The following ZNF746 variants were observed in gnomAD, a reference collection of about 807,000 sequenced individuals.
ZNF746 encodes the protein zinc finger protein 746, also known as parkin-interacting substrate.
Under a neutral mutation model 41.0 loss-of-function variants are expected in ZNF746, and 13 were observed. The ratio of observed to expected loss-of-function variants is 0.32; its 90% CI spans 0.21 to 0.50. The LOEUF (loss-of-function observed/expected upper bound fraction) is 0.50. Among genes scored for constraint, ZNF746 ranks in the 20% least tolerant of loss-of-function variants. The probability of loss-of-function intolerance (pLI) is 0.98; values close to 1 mark genes in which losing one functional copy is unlikely to be tolerated. For synonymous variants in ZNF746, 424 were observed against 396.2 expected (o/e 1.07, Z -0.83); for missense variants, 811 against 922.9 (o/e 0.88, Z 1.57).
chr7:149,473,731 G>C lies in ZNF746; in HGVS notation c.*653C>G, dbSNP rs936127581. The C allele has an allele frequency of 1.3e-5, 2 of 155,626 alleles. No homozygotes were observed. Among genetic ancestry groups the C allele is most frequent in the African/African-American group, 4.8e-5 (2 of 41,470 alleles). 9.6% of individuals were successfully genotyped at this position (155,626 alleles called of 1,614,324 possible). A position where few individuals can be genotyped will look rare whatever the true frequency, so the allele number is the denominator to read the frequency against. On this transcript the variant is annotated 3_prime_UTR_variant, in exon 7 of 7. Coordinates refer to ENST00000458143, the MANE Select transcript of ZNF746 (RefSeq NM_001394198.1). ...ACACCACCAAGTGCCCTTGGGACGG[G>C]TACCACAGATGGCCCAAAATAGAGA...
chr7:149,496,143 T>C (rs1263680325), intron 1 of ZNF746, among the ~76,000 whole-genome samples: 1 of 152,202 alleles, frequency 6.6e-6, no homozygotes, highest in African/African-American at 2.4e-5. Context: ...CCACGTGCAT[T>C]ATTATGGGCT....
intron 4 of ZNF746, chr7:149,491,869 T>A (rs984389923): frequency 7.1e-6 from 5 of 701,052 alleles, no homozygotes; most frequent in South Asian, 1.5e-5. Flanking sequence ...ACTTTAGGAA[T>A]TTGGTTTTTC....
rs971826969 is a variant in ZNF746, at chr7:149,477,974, G to A, written c.566-219C>T. On this transcript the variant is annotated intron_variant, in intron 4 of 6. Coordinates refer to ENST00000458143, the MANE Select transcript of ZNF746 (RefSeq NM_001394198.1). ...CGGGTAGGGTAGGAAAGGCTGAGGC[G>A]GGGGAGGGGAAGAATACACAAGCAC... The A allele has an allele frequency of 4.1e-5, 18 of 443,394 alleles. 1 individual carries two copies. Among genetic ancestry groups the A allele is most frequent in the African/African-American group, 1.2e-4 (6 of 50,260 alleles). The allele number at this position is 443,394 out of a possible 1,614,324, so 27.5% of individuals were successfully genotyped here.
At chr7:149,476,868 G>C in intron 6 of ZNF746, 54 bp downstream of exon 6, 1 of 1,612,120 alleles carries the variant, frequency 6.2e-7, no homozygotes, top group Non-Finnish European at 8.5e-7. Flanking sequence ...CCTGGACCGA[G>C]GTACTCCCCA....
chr7:149,479,078 AGAG>A (rs1461373769), intron 4 of ZNF746, among the ~76,000 whole-genome samples: 30 of 152,240 alleles, frequency 2.0e-4, no homozygotes, highest in Non-Finnish European at 3.8e-4. Flanking sequence ...TCCCAGAAGA[AGAG>A]AATGGAGAAA....
In ZNF746 at chr7:149,497,255, G is replaced by A. The variant is rs1438129713; in HGVS notation, c.24+258C>T. ...GGGCGGGGGCAGGAAGCCCCGGAGG[G>A]CCCAAAGAACTTGGCGTGGGGCGGC... On this transcript the variant is annotated intron_variant, in intron 1 of 6. Coordinates refer to ENST00000458143, the MANE Select transcript of ZNF746 (RefSeq NM_001394198.1). The surrounding 1 kb of genome is among the most constrained non-coding windows in gnomAD (Gnocchi z 4.2). 4.0e-5 allele frequency: 39 copies of A among 984,852 alleles called. No individual in the cohort carries two copies. The highest frequency in any genetic ancestry group is 4.6e-5 in the Non-Finnish European group (38 of 829,576). 61.0% of individuals were successfully genotyped at this position (984,852 alleles called of 1,614,324 possible).
chr7:149,474,335 C>T lies in ZNF746; in HGVS notation c.*49G>A, dbSNP rs375571696. 11 of 1,559,494 alleles carry T rather than the reference C, an allele frequency of 7.1e-6. No individual in the cohort carries two copies. In the African/African-American group the frequency reaches 8.1e-5, roughly 12 times the overall value. On this transcript the variant is annotated 3_prime_UTR_variant, in exon 7 of 7. Transcript: ENST00000458143. This position sits in a 1 kb window ranked among gnomAD's most constrained non-coding sequence, Gnocchi z 6.3. ...TCCACGCCGCCCTGCTGCCTGCACA[C>T]GGGGCTTTTTACACGTGCGGCCGGC... is the stretch of plus-strand genomic sequence containing the variant.
At chr7:149,476,661 A>T (rs10266573) in intron 6 of ZNF746, among the ~76,000 whole-genome samples, 1 of 151,958 alleles carries the variant, frequency 6.6e-6, no homozygotes, top group African/African-American at 2.4e-5. Flanking sequence ...TTCAAGAGAT[A>T]GGCTTGTTAG....
chr7:149,477,852 A>G (rs957389808), intron 4 of ZNF746, 97 bp from the exon 5 acceptor site: 2 of 1,078,056 alleles, frequency 1.9e-6, no homozygotes, highest in East Asian at 2.7e-5. Flanking sequence ...GGGGCCTTAC[A>G]AGGGTCCAAC....
chr7:149,486,542 C>T (rs900221166), intron 4 of ZNF746, among the ~76,000 whole-genome samples: 8 of 152,138 alleles, frequency 5.3e-5, no homozygotes, highest in African/African-American at 1.9e-4. Context: ...GAATGAGCTA[C>T]AGCTATACTA....
At chr7:149,478,552 T>C (rs1800388566) in intron 4 of ZNF746, among the ~76,000 whole-genome samples, 1 of 152,202 alleles carries the variant, frequency 6.6e-6, no homozygotes, top group South Asian at 2.1e-4. Context: ...GGCCCCAGCA[T>C]GGGCAAATGC....
intron 4 of ZNF746, chr7:149,489,279 T>C (rs1247867039): frequency 6.8e-6 from 1 of 147,452 alleles, no homozygotes; most frequent in African/African-American, 2.5e-5. Flanking sequence ...ACACACGTTT[T>C]AAATTTTGAA....
In ZNF746 at chr7:149,474,820, C is replaced by T; in HGVS notation, c.1547G>A (p.Gly516Asp). The change falls in exon 7 of 7, where the codon GGT becomes GAT. Residue 516 changes from glycine to aspartate, a missense_variant. Transcript: ENST00000458143. This position sits in a 1 kb window ranked among gnomAD's most constrained non-coding sequence, Gnocchi z 6.3. ...GCTGCCATCCCGTGCGCTGCCCCCA[C>T]CGCTGCCGCCACCGCCGCCGCCACT... ...SGSGGGGGGS[G>D]GGSARDGSAL... 2 of 1,437,898 alleles carry T rather than the reference C, an allele frequency of 1.4e-6. No individual in the cohort carries two copies. The highest frequency in any genetic ancestry group is 1.5e-5 in the African/African-American group (1 of 66,666). 89.1% of individuals were successfully genotyped at this position (1,437,898 alleles called of 1,614,324 possible). A position where few individuals can be genotyped will look rare whatever the true frequency, so the allele number is the denominator to read the frequency against.
At position 149,473,255 on chromosome 7, in the gene ZNF746, G is replaced by A. The variant is rs1024135421; in HGVS notation, c.*1129C>T. 6.6e-6 allele frequency: 1 copy of A among 152,066 alleles called. No individual in the cohort carries two copies. Among genetic ancestry groups the A allele is most frequent in the Admixed American group, 6.5e-5 (1 of 15,278 alleles). 9.4% of individuals were successfully genotyped at this position (152,066 alleles called of 1,614,324 possible). ...CTGGTGACTGGACTCTTGTCGGTGT[G>A]GGACAAATATTTTAAGAGGGAAAAC... On this transcript the variant is annotated 3_prime_UTR_variant, in exon 7 of 7. Transcript: ENST00000458143.
At chr7:149,496,578 C>A (rs1562995292) in intron 1 of ZNF746, among the ~76,000 whole-genome samples, 1 of 152,186 alleles carries the variant, frequency 6.6e-6, no homozygotes, top group Admixed American at 6.5e-5. Flanking sequence ...TGCCTGCACA[C>A]GCCCTGCACT....
chr7:149,490,724 T>A (rs1367344927), intron 4 of ZNF746: 2 of 152,142 alleles, frequency 1.3e-5, no homozygotes, highest in African/African-American at 4.9e-5. Context: ...GTGGGATGGG[T>A]TGGGGGGGCA....
At chr7:149,483,850 C>G (rs550775710) in intron 4 of ZNF746, among the ~76,000 whole-genome samples, 1 of 152,188 alleles carries the variant, frequency 6.6e-6, no homozygotes, top group South Asian at 2.1e-4. Flanking sequence ...ATGGGAGAGA[C>G]AGCACCAATA....
At chr7:149,493,268 G>T (rs963341310) in intron 3 of ZNF746, among the ~76,000 whole-genome samples, 1 of 152,196 alleles carries the variant, frequency 6.6e-6, no homozygotes, top group Non-Finnish European at 1.5e-5. Flanking sequence ...GAATCACCTG[G>T]TCCCAAATGT....
rs1367740895 is a variant in ZNF746, at chr7:149,474,232, T to C, written c.*152A>G. 3 of 839,188 alleles carry C rather than the reference T, an allele frequency of 3.6e-6. No individual in the cohort carries two copies. The highest frequency in any genetic ancestry group is 5.5e-6 in the Non-Finnish European group (3 of 550,310). 52.0% of individuals were successfully genotyped at this position (839,188 alleles called of 1,614,324 possible). On this transcript the variant is annotated 3_prime_UTR_variant, in exon 7 of 7. Coordinates refer to ENST00000458143, the MANE Select transcript of ZNF746 (RefSeq NM_001394198.1). The surrounding 1 kb of genome is among the most constrained non-coding windows in gnomAD (Gnocchi z 6.3). ...TAGAGGTGGCAGCTGTCCTGGTGGA[T>C]AGTTTCTCTTTCTCCAGTGATCATC...
Sources: gnomAD v4.1 joint callset for allele counts (sites outside exome capture counted in the v4.1 genomes callset) on GRCh38, gnomAD v4.1.1 for gene constraint, Gnocchi (gnomAD v3.1) non-coding constraint, MANE v1.5 for transcripts, NCBI Gene and HGNC (gene_info 2026-07-23, HGNC 2026-07-21) for gene names.